The following LRRC37A2 variants were observed in gnomAD, a reference collection of about 807,000 sequenced individuals.
LRRC37A2 encodes leucine rich repeat containing 37 member A2.
A neutral mutation model predicts 68.8 loss-of-function variants in LRRC37A2; 9 were observed. That is an observed-to-expected ratio of 0.13 (90% confidence interval 0.08 to 0.23). The LOEUF is 0.23. Among genes scored for constraint, LRRC37A2 ranks in the 10% least tolerant of loss-of-function variants. The probability of loss-of-function intolerance (pLI) is 1.00; values close to 1 mark genes in which losing one functional copy is unlikely to be tolerated. For missense variants in LRRC37A2, 168 were observed against 950.4 expected (o/e 0.18, Z 10.82); for synonymous variants, 63 against 367.6 (o/e 0.17, Z 9.48).
the LRRC37A2 span, among the ~76,000 whole-genome samples, chr17:46,992,370 GA>G: frequency 6.7e-6 from 1 of 150,272 alleles, no homozygotes; most frequent in African/African-American, 2.4e-5. Flanking sequence ...TCCGTCTCGG[GA>G]AAAAAAAATG....
the LRRC37A2 span, chr17:46,877,002 G>C: frequency 3.7e-5 from 46 of 1,250,022 alleles, no homozygotes; most frequent in African/African-American, 5.6e-4. Flanking sequence ...AGGGAAATAA[G>C]GGAGACCAAG....
the LRRC37A2 span, chr17:47,019,303 A>T: frequency 3.1e-6 from 5 of 1,606,178 alleles, no homozygotes; most frequent in Non-Finnish European, 4.2e-6. Context: ...CCACCTTCAG[A>T]CAAGGGTCAG....
chr17:46,849,857 T>G, the LRRC37A2 span, among the ~76,000 whole-genome samples: 130 of 151,812 alleles, frequency 8.6e-4, 2 homozygotes, highest in South Asian at 6.1e-3. Context: ...ATCTTTTTTT[T>G]TTTGTTTTGA....
At chr17:46,771,255 G>A in the LRRC37A2 span, among the ~76,000 whole-genome samples, 2 of 152,140 alleles carry the variant, frequency 1.3e-5, no homozygotes, top group East Asian at 1.9e-4. Context: ...GCCGACCGAG[G>A]ACGGCGGCAA....
chr17:47,013,718 C>T, the LRRC37A2 span, among the ~76,000 whole-genome samples: 2 of 152,204 alleles, frequency 1.3e-5, no homozygotes, highest in Admixed American at 1.3e-4. Context: ...TGAATTGATC[C>T]TTGCTAACTT....
chr17:46,476,701 AATAATG>A, the LRRC37A2 span: 9 of 618,228 alleles, frequency 1.5e-5, 3 homozygotes, highest in African/African-American at 1.2e-4. Context: ...TAATAATAAT[AATAATG>A]ATAATCTCCT....
chr17:46,636,025 A>C, the LRRC37A2 span, among the ~76,000 whole-genome samples: 1 of 59,240 alleles, frequency 1.7e-5, no homozygotes, highest in Admixed American at 1.6e-4. Flanking sequence ...TGGCATTTAT[A>C]AGTATACTTT....
chr17:46,900,452 G>A, the LRRC37A2 span, among the ~76,000 whole-genome samples: 1 of 151,956 alleles, frequency 6.6e-6, no homozygotes, highest in Admixed American at 6.6e-5. Flanking sequence ...GTTTCACCAT[G>A]TTGGCCAGGC....
chr17:46,980,413 TTC>T, the LRRC37A2 span, among the ~76,000 whole-genome samples: 1 of 151,940 alleles, frequency 6.6e-6, no homozygotes, highest in Non-Finnish European at 1.5e-5. Context: ...CTTTCTTTCT[TTC>T]TGTCTTCTTT....
At chr17:46,679,935 G>C in the LRRC37A2 span, among the ~76,000 whole-genome samples, 2 of 145,844 alleles carry the variant, frequency 1.4e-5, no homozygotes, top group Non-Finnish European at 3.0e-5. Flanking sequence ...AAAGTGCCTA[G>C]GATTCGATCT....
chr17:46,829,807 G>T, the LRRC37A2 span, among the ~76,000 whole-genome samples: 1 of 151,876 alleles, frequency 6.6e-6, no homozygotes. Context: ...GGGGTGGGGG[G>T]AGCATGAGTT....
the LRRC37A2 span, among the ~76,000 whole-genome samples, chr17:46,767,137 C>T: frequency 6.6e-6 from 1 of 152,104 alleles, no homozygotes; most frequent in Non-Finnish European, 1.5e-5. Context: ...GGTCCAGGAC[C>T]ACTCCTCATC....
At chr17:47,007,403 T>C in the LRRC37A2 span, among the ~76,000 whole-genome samples, 2 of 152,180 alleles carry the variant, frequency 1.3e-5, no homozygotes, top group African/African-American at 4.8e-5. Context: ...GGTCTGGAAC[T>C]CTGACCTCAG....
chr17:46,792,880 C>T, the LRRC37A2 span, among the ~76,000 whole-genome samples: 1 of 152,024 alleles, frequency 6.6e-6, no homozygotes, highest in Non-Finnish European at 1.5e-5. Context: ...GCCAAAGAAC[C>T]CAATTTAACG....
intron 6 of LRRC37A2, among the ~76,000 whole-genome samples, chr17:46,532,219 C>T (rs1378130207): frequency 2.7e-5 from 4 of 148,484 alleles, no homozygotes; most frequent in Admixed American, 2.0e-4. Context: ...AACTTTTTCA[C>T]TCAAAAAAAC....
the LRRC37A2 span, among the ~76,000 whole-genome samples, chr17:47,027,155 C>A: frequency 6.6e-6 from 1 of 152,142 alleles, no homozygotes; most frequent in Non-Finnish European, 1.5e-5. Flanking sequence ...TCAGGATCTG[C>A]CAGCCTCGGC....
At chr17:47,019,981 C>T in the LRRC37A2 span, among the ~76,000 whole-genome samples, 1 of 149,470 alleles carries the variant, frequency 6.7e-6, no homozygotes, top group African/African-American at 2.5e-5. Flanking sequence ...GCCCCTTCTC[C>T]AGTCTTTTCC....
chr17:46,796,981 A>G, the LRRC37A2 span, among the ~76,000 whole-genome samples: 232 of 152,340 alleles, frequency 1.5e-3, no homozygotes, highest in Non-Finnish European at 2.5e-3. Flanking sequence ...AATAGGCAGG[A>G]GAATCTTCTC....
At chr17:46,917,249 A>C in the LRRC37A2 span, 1 of 152,236 alleles carries the variant, frequency 6.6e-6, no homozygotes, top group Non-Finnish European at 1.5e-5. Flanking sequence ...GATTCATCCC[A>C]AGGCAAATTC....
Sources: gnomAD v4.1 joint callset for allele counts (sites outside exome capture counted in the v4.1 genomes callset) on GRCh38, gnomAD v4.1.1 for gene constraint, MANE v1.5 for transcripts, NCBI Gene and HGNC (gene_info 2026-07-23, HGNC 2026-07-21) for gene names.